Variants in CFAP74 observed in about 807,000 individuals in gnomAD.
CFAP74 encodes cilia- and flagella-associated protein 74.
CFAP74 carries 124 observed loss-of-function variants against 188.9 expected under a neutral mutation model. The observed-to-expected ratio is 0.66, with a 90% CI of 0.57 to 0.76. The LOEUF is 0.76. CFAP74 is among the 30% of genes least tolerant of loss of function. The probability of loss-of-function intolerance (pLI) is 0.00; values close to 1 mark genes in which losing one functional copy is unlikely to be tolerated. For synonymous variants in CFAP74, 956 were observed against 916.7 expected (o/e 1.04, Z -0.77); for missense variants, 2,198 against 2,165.2 (o/e 1.02, Z -0.30).
chr1:1,954,330 G>A (rs28624830), intron 18 of CFAP74: 22,854 of 152,228 alleles, frequency 0.15, 3,345 homozygotes, highest in African/African-American at 0.37. Flanking sequence ...TATGGAGCAT[G>A]TGAAATGTGG....
Position 1,923,218 on chromosome 1 carries a change from G to T in CFAP74, c.4523-73C>A. 6.6e-7 allele frequency: 1 copy of T among 1,517,180 alleles called. No individual in the cohort carries two copies. The highest frequency in any genetic ancestry group is 1.2e-5 in the South Asian group (1 of 81,532). 94.0% of individuals were successfully genotyped at this position (1,517,180 alleles called of 1,614,324 possible). On this transcript the variant is annotated intron_variant, in intron 36 of 38. Coordinates refer to ENST00000682832, the MANE Select transcript of CFAP74 (RefSeq NM_001304360.2). This position sits in a 1 kb window ranked among gnomAD's most constrained non-coding sequence, Gnocchi z 6.3. ...GGGGTGAGGCTGCAGCTGGACTCCT[G>T]AACTCTGGTTAGCAGTGGCTGTCCT...
At chr1:1,930,642 G>C (rs564250585) in intron 25 of CFAP74, among the ~76,000 whole-genome samples, 2 of 152,114 alleles carry the variant, frequency 1.3e-5, no homozygotes, top group African/African-American at 2.4e-5. Flanking sequence ...CTGTAGCCTC[G>C]AACTCCTGGT....
At chr1:1,947,448 C>T (rs753228640) in intron 18 of CFAP74, among the ~76,000 whole-genome samples, 21 of 152,208 alleles carry the variant, frequency 1.4e-4, no homozygotes, top group South Asian at 2.1e-4. Context: ...CTGTTCCCTA[C>T]GGGTACCTGC....
intron 32 of CFAP74, 104 bp downstream of exon 32, chr1:1,926,124 G>T: frequency 6.9e-7 from 1 of 1,440,690 alleles, no homozygotes. Context: ...CCCAGGCTTA[G>T]TCCCAGGCCT....
rs1218402947 is a variant in CFAP74 at position 1,988,649 on chromosome 1, C to A, written c.159G>T (p.Val53=). Residue 53 remains valine (V), a synonymous_variant, in exon 4 of 39, where the codon GTG becomes GTT. Coordinates refer to ENST00000682832, the MANE Select transcript of CFAP74 (RefSeq NM_001304360.2). ...TATCAGCATCAGTATCTAGTTCTTT[C>A]ACTGAGCTTAGGATGAAAAGGACGT... The part of the protein sequence containing the change: ...DDVDPGHSSS[V]KELDTDADKL... 6.2e-7 allele frequency: 1 copy of A among 1,607,912 alleles called. No individual in the cohort carries two copies. Among genetic ancestry groups the A allele is most frequent in the South Asian group, 1.1e-5 (1 of 91,068 alleles).
At chr1:1,933,223 C>T (rs565146180) in intron 25 of CFAP74, among the ~76,000 whole-genome samples, 13 of 130,264 alleles carry the variant, frequency 1.0e-4, no homozygotes, top group East Asian at 4.5e-4. Context: ...CTCGCTCTGT[C>T]GCCCAGGCTT....
chr1:1,942,007 C>A lies in CFAP74; in HGVS notation c.2615+21G>T. The A allele has an allele frequency of 6.8e-7, 1 of 1,477,100 alleles. No homozygotes were observed. The highest frequency in any genetic ancestry group is 1.3e-5 in the South Asian group (1 of 74,566). The allele number at this position is 1,477,100 out of a possible 1,614,324, so 91.5% of individuals were successfully genotyped here. On this transcript the variant is annotated intron_variant, in intron 22 of 38. Transcript: ENST00000682832. The surrounding 1 kb of genome is among the most constrained non-coding windows in gnomAD (Gnocchi z 4.3). ...AACCTCCCACGTCCTCCTGTCCCGG[C>A]CTTGGCGTCCTGGCACCTACCGCGG...
chr1:1,988,760 C>T (rs938700222), intron 3 of CFAP74, 105 bp from the exon 4 acceptor site: 119 of 1,381,010 alleles, frequency 8.6e-5, no homozygotes, highest in African/African-American at 1.0e-4. Context: ...TGCTTCAGGG[C>T]GGGAGCTGCG....
chr1:2,002,362 A>C (rs1658248827), intron 1 of CFAP74, among the ~76,000 whole-genome samples: 1 of 151,272 alleles, frequency 6.6e-6, no homozygotes, highest in African/African-American at 2.4e-5. Context: ...ATTTTATATA[A>C]ATAAATTTAT....
intron 1 of CFAP74, among the ~76,000 whole-genome samples, chr1:1,991,933 G>A (rs549207277): frequency 1.9e-4 from 28 of 151,102 alleles, no homozygotes; most frequent in East Asian, 4.0e-4. Context: ...CCAGCTACTC[G>A]GGAGGCTGAG....
intron 25 of CFAP74, among the ~76,000 whole-genome samples, chr1:1,931,432 TAA>T (rs34892654): frequency 0.014 from 1,085 of 75,384 alleles, 14 homozygotes; most frequent in African/African-American, 0.056. Context: ...CCCATCTCAA[TAA>T]AAAAAAAAAA....
At chr1:1,980,912 T>G (rs940092618) in intron 6 of CFAP74, among the ~76,000 whole-genome samples, 2 of 152,240 alleles carry the variant, frequency 1.3e-5, no homozygotes, top group African/African-American at 4.8e-5. Context: ...CGGCCTGTTC[T>G]GTGGCTGCGG....
intron 11 of CFAP74, among the ~76,000 whole-genome samples, chr1:1,967,420 G>A (rs35031992): frequency 0.21 from 31,582 of 147,210 alleles, 3,642 homozygotes; most frequent in East Asian, 0.26. Flanking sequence ...ACAGAAAATC[G>A]CAGGGAGCAG....
At position 1,927,036 on chromosome 1, in the gene CFAP74, G is replaced by T. The variant is rs1290236553; in HGVS notation, c.3528-8C>A. The T allele has an allele frequency of 3.9e-6, 6 of 1,550,170 alleles. No individual in the cohort carries two copies. The South Asian group carries it at 5.9e-5, about 15-fold the overall frequency. On this transcript the variant is annotated splice_region_variant and splice_polypyrimidine_tract_variant and intron_variant, in intron 28 of 38. Coordinates refer to ENST00000682832, the MANE Select transcript of CFAP74 (RefSeq NM_001304360.2). Reference sequence around the variant, plus strand: ...GCCTGGTACTCGTCGGAACTAGAAGGAAGTCAGAGGCTTGCGCTCCCGCCT... The same window carrying T: ...GCCTGGTACTCGTCGGAACTAGAAGTAAGTCAGAGGCTTGCGCTCCCGCCT...
chr1:1,986,805 T>C (rs970985166), intron 5 of CFAP74, 132 bp downstream of exon 5: 10 of 701,370 alleles, frequency 1.4e-5, no homozygotes, highest in African/African-American at 1.1e-4. Flanking sequence ...CATGTTCGTG[T>C]TGTGGCCTCA....
chr1:1,960,283 T>C (rs1654991016), intron 14 of CFAP74, among the ~76,000 whole-genome samples: 1 of 152,242 alleles, frequency 6.6e-6, no homozygotes, highest in Non-Finnish European at 1.5e-5. Context: ...ACTGAAGGCG[T>C]GAGGCAAGTC....
intron 4 of CFAP74, among the ~76,000 whole-genome samples, chr1:1,987,547 C>CTT (rs70940708): frequency 1.3e-4 from 20 of 148,516 alleles, no homozygotes; most frequent in Admixed American, 2.0e-4. Flanking sequence ...CTGGAGGTCG[C>CTT]TTTTTTTTTT....
chr1:1,925,822 G>A lies in CFAP74; in HGVS notation c.4065C>T (p.Gly1355=), dbSNP rs933820514. ...ACACAGACTCTCCGGCAATCACATA[G>A]CCCATGTTGAGGACGCTGCCTTCAA... The part of the protein sequence containing the change: ...CSIEGSVLNM[G]YVIAGESVSS... The change falls in exon 33 of 39, where the codon GGC becomes GGT. Residue 1355 remains glycine, a synonymous_variant. Transcript: ENST00000682832. 2 of 1,612,662 alleles carry A rather than the reference G, an allele frequency of 1.2e-6. No homozygotes were observed. Among genetic ancestry groups the A allele is most frequent in the Non-Finnish European group, 8.5e-7 (1 of 1,179,892 alleles).
chr1:1,969,194 T>TGCCCA (rs1156429473), intron 10 of CFAP74, among the ~76,000 whole-genome samples: 14 of 43,638 alleles, frequency 3.2e-4, no homozygotes, highest in Admixed American at 8.7e-4. Context: ...TGCCCAGCCC[T>TGCCCA]GCCCAGCCCA....
Sources: allele counts gnomAD v4.1 joint callset (sites outside exome capture counted in the v4.1 genomes callset), GRCh38; gene constraint gnomAD v4.1.1; non-coding constraint Gnocchi (gnomAD v3.1); transcripts MANE v1.5; gene names NCBI Gene and HGNC (gene_info 2026-07-23, HGNC 2026-07-21).